DCT: variants seen among roughly 807,000 people sequenced by gnomAD.
DCT encodes L-dopachrome tautomerase.
A neutral mutation model predicts 53.0 loss-of-function variants in DCT; 47 were observed. The ratio of observed to expected loss-of-function variants is 0.89; its 90% CI spans 0.70 to 1.13. The LOEUF (loss-of-function observed/expected upper bound fraction) is 1.13, where lower values mean the gene tolerates loss of function less well. Ranked by LOEUF, DCT falls within the 50% of genes most tolerant of loss-of-function variation. The probability of loss-of-function intolerance (pLI) is 0.00; values close to 1 mark genes in which losing one functional copy is unlikely to be tolerated. For missense variants in DCT, 669 were observed against 637.4 expected, an observed-to-expected ratio of 1.05 and a Z score of -0.53; for synonymous variants, 244 against 237.0, an observed-to-expected ratio of 1.03 and a Z score of -0.27.
At chr13:94,502,733 T>C in the DCT span, among the ~76,000 whole-genome samples, 33 of 152,278 alleles carry the variant, frequency 2.2e-4, no homozygotes, top group African/African-American at 7.9e-4. Context: ...CAGTCATCTT[T>C]ATAAATCTTT....
intron 1 of DCT, among the ~76,000 whole-genome samples, chr13:94,472,548 ATATATATATATATATATATATTTT>A (rs1884765900): frequency 3.9e-4 from 10 of 25,448 alleles, no homozygotes; most frequent in African/African-American, 1.3e-3. Context: ...ATATATATAT[ATATATATATATATATATATATTTT>A]TTTTTTTTTT....
chr13:94,461,319 A>G (rs1373601776), intron 5 of DCT, among the ~76,000 whole-genome samples: 4 of 152,114 alleles, frequency 2.6e-5, no homozygotes, highest in Non-Finnish European at 4.4e-5. Context: ...TGATTTTGAG[A>G]TGTGCTTAAA....
chr13:94,496,830 T>C, the DCT span, among the ~76,000 whole-genome samples: 1 of 152,174 alleles, frequency 6.6e-6, no homozygotes, highest in Non-Finnish European at 1.5e-5. Context: ...CTGCAGGCTC[T>C]GGAAATAGTG....
rs567859263 is a variant in DCT at position 94,479,156 on chromosome 13, T to G, written c.100A>C (p.Ser34Arg). Residue 34 changes from serine (S) to arginine (R), a missense_variant, in exon 1 of 8, where the codon AGC (serine) becomes CGC (arginine). Physicochemically the swap from Ser to Arg is moderately radical, Grantham distance 110 (BLOSUM62 -1). Transcript: ENST00000377028. ...QFPRVCMTVD[S>R]LVNKECCPRL... ...GGGCAGCACTCCTTGTTCACTAGGC[T>G]GTCCACCGTCATGCAGACTCGGGGG... 361 of 1,614,082 alleles carry G rather than the reference T, an allele frequency of 2.2e-4. 2 individuals are homozygous for G. In the South Asian group the frequency reaches 3.7e-3, roughly 17 times the overall value.
At chr13:94,528,999 G>A in the DCT span, among the ~76,000 whole-genome samples, 7 of 152,170 alleles carry the variant, frequency 4.6e-5, no homozygotes, top group African/African-American at 1.4e-4. Context: ...CCTAGTCTCT[G>A]ATAAAACAGA....
Position 94,471,296 on chromosome 13 carries a change from T to C in DCT, c.296-2251A>G, listed in dbSNP as rs543440963. On this transcript the variant is annotated intron_variant, in intron 1 of 7. Transcript: ENST00000377028. ...TCTAATTGTAATCGGTTGAGTTTTT[T>C]TGTTTTTTATAATATATCATATATC... Among the ~76,000 whole-genome samples, 31 of 152,334 alleles carry C rather than the reference T, an allele frequency of 2.0e-4. 1 individual carries two copies. In the East Asian group the frequency reaches 6.0e-3, roughly 29 times the overall value.
Position 94,479,307 on chromosome 13 carries a change from C to T in DCT, c.-52G>A, listed in dbSNP as rs752066065. 20 of 1,442,060 alleles carry T rather than the reference C, an allele frequency of 1.4e-5. No individual in the cohort carries two copies. Among genetic ancestry groups the T allele is most frequent in the Middle Eastern group, 1.8e-4 (1 of 5,472 alleles). 89.3% of individuals were successfully genotyped at this position (1,442,060 alleles called of 1,614,324 possible). A position where few individuals can be genotyped will look rare whatever the true frequency, so the allele number is the denominator to read the frequency against. ...TCTCTCTTACTTTCCTTGTCTCTGT[C>T]GTACTTTTCTCCTTATCTTCTACTC... On this transcript the variant is annotated 5_prime_UTR_variant, in exon 1 of 8. Transcript: ENST00000377028.
chr13:94,534,725 C>T, the DCT span, among the ~76,000 whole-genome samples: 1 of 152,218 alleles, frequency 6.6e-6, no homozygotes, highest in Non-Finnish European at 1.5e-5. Flanking sequence ...CTTCAAAGAG[C>T]AATCTGAAGC....
Position 94,437,195 on chromosome 13 carries a change from T to C in DCT, c.*2703A>G, listed in dbSNP as rs1407994501. ...GAGATTATTTTTCAGACTGAGGTTG[T>C]TATTATATATTTTACATGTATATAT... On this transcript the variant is annotated 3_prime_UTR_variant, in exon 8 of 8. Coordinates refer to ENST00000377028, the MANE Select transcript of DCT (RefSeq NM_001922.5). The C allele has an allele frequency of 6.6e-6, 1 of 152,212 alleles. No individual in the cohort carries two copies. The highest frequency in any genetic ancestry group is 6.5e-5 in the Admixed American group (1 of 15,278). The allele number at this position is 152,212 out of a possible 1,614,324, so 9.4% of individuals were successfully genotyped here.
chr13:94,463,765 G>T (rs1054157450), intron 4 of DCT, among the ~76,000 whole-genome samples: 1 of 152,118 alleles, frequency 6.6e-6, no homozygotes. Flanking sequence ...ATGAATTAGG[G>T]ATAGGACCCA....
At chr13:94,453,929 T>C (rs569222087) in intron 6 of DCT, among the ~76,000 whole-genome samples, 1 of 152,338 alleles carries the variant, frequency 6.6e-6, no homozygotes, top group African/African-American at 2.4e-5. Context: ...CCTATCCTTC[T>C]TTTTTTAAAT....
the DCT span, among the ~76,000 whole-genome samples, chr13:94,520,225 G>A: frequency 6.6e-6 from 1 of 152,070 alleles, no homozygotes; most frequent in Admixed American, 6.6e-5. Flanking sequence ...ACAACCCTTT[G>A]TTCTCTTTAT....
At position 94,436,910 on chromosome 13, in the gene DCT, C is replaced by T. The variant is rs943422507; in HGVS notation, c.*2988G>A. ...CTATAGAAATAGGAAGAGCTTCAAC[C>T]TTAGAGTCTCCAACAAATTGACCCA... On this transcript the variant is annotated 3_prime_UTR_variant, in exon 8 of 8. Coordinates refer to ENST00000377028, the MANE Select transcript of DCT (RefSeq NM_001922.5). 7 of 152,272 alleles carry T rather than the reference C, an allele frequency of 4.6e-5. No individual in the cohort carries two copies. Among genetic ancestry groups the T allele is most frequent in the Non-Finnish European group, 8.8e-5 (6 of 68,020 alleles). The allele number at this position is 152,272 out of a possible 1,614,324, so 9.4% of individuals were successfully genotyped here. A position where few individuals can be genotyped will look rare whatever the true frequency, so the allele number is the denominator to read the frequency against.
intron 6 of DCT, among the ~76,000 whole-genome samples, chr13:94,450,336 C>G (rs1001116951): frequency 6.6e-6 from 1 of 152,130 alleles, no homozygotes; most frequent in Non-Finnish European, 1.5e-5. Flanking sequence ...GATATTGGAG[C>G]AATAATAGCA....
intron 6 of DCT, among the ~76,000 whole-genome samples, chr13:94,450,913 A>G (rs372416119): frequency 5.3e-5 from 8 of 152,340 alleles, no homozygotes; most frequent in African/African-American, 1.9e-4. Context: ...GTTTGTTATT[A>G]TATTCATATT....
At chr13:94,549,354 T>C in the DCT span, among the ~76,000 whole-genome samples, 1 of 152,128 alleles carries the variant, frequency 6.6e-6, no homozygotes. Flanking sequence ...CGCGGCCCCG[T>C]CTCGCCACCG....
the DCT span, among the ~76,000 whole-genome samples, chr13:94,535,850 C>T: frequency 6.6e-6 from 1 of 152,184 alleles, no homozygotes; most frequent in Non-Finnish European, 1.5e-5. Flanking sequence ...CACAAAAAAA[C>T]ACTATTAATA....
At chr13:94,487,094 T>A in the DCT span, among the ~76,000 whole-genome samples, 1 of 152,184 alleles carries the variant, frequency 6.6e-6, no homozygotes, top group South Asian at 2.1e-4. Context: ...AAACATTGCA[T>A]TATTTGCAAA....
At chr13:94,505,491 C>T in the DCT span, among the ~76,000 whole-genome samples, 1 of 152,188 alleles carries the variant, frequency 6.6e-6, no homozygotes, top group Admixed American at 6.5e-5. Context: ...GTAGAAGCTA[C>T]ATTTTAGAAA....
Sources: allele counts gnomAD v4.1 joint callset (sites outside exome capture counted in the v4.1 genomes callset), GRCh38; gene constraint gnomAD v4.1.1; transcripts MANE v1.5; gene names NCBI Gene and HGNC (gene_info 2026-07-23, HGNC 2026-07-21).